Variants in BNC2 observed in about 807,000 individuals in gnomAD.
BNC2 encodes zinc finger protein basonuclin-2.
BNC2 carries 20 observed loss-of-function variants against 76.3 expected under a neutral mutation model. The ratio of observed to expected loss-of-function variants is 0.26; its 90% confidence interval spans 0.18 to 0.38. BNC2 has a LOEUF of 0.38. Among genes scored for constraint, BNC2 ranks in the 10% least tolerant of loss-of-function variants. The probability of loss-of-function intolerance (pLI) is 1.00; values close to 1 mark genes in which losing one functional copy is unlikely to be tolerated. For missense variants in BNC2, 1,382 were observed against 1,399.8 expected (o/e 0.99, Z 0.20); for synonymous variants, 582 against 514.8 (o/e 1.13, Z -1.77).
At chr9:16,439,527 C>T (rs557750089) in intron 5 of BNC2, among the ~76,000 whole-genome samples, 8 of 152,278 alleles carry the variant, frequency 5.3e-5, no homozygotes, top group Non-Finnish European at 1.2e-4. Context: ...TTTCCGGTTT[C>T]AGCCACTGTG....
At chr9:16,861,207 A>T (rs62541878) in intron 1 of BNC2, among the ~76,000 whole-genome samples, 16,131 of 129,516 alleles carry the variant, frequency 0.12, 1,319 homozygotes, top group Middle Eastern at 0.18. Context: ...TATATAAATT[A>T]ACCAGGCATC....
chr9:16,461,950 C>T (rs1460423963), intron 5 of BNC2, among the ~76,000 whole-genome samples: 2 of 152,224 alleles, frequency 1.3e-5, no homozygotes, highest in Non-Finnish European at 2.9e-5. Context: ...CTTGCTTCTG[C>T]TTCCTAACAA....
chr9:16,418,632 AT>A lies in BNC2; in HGVS notation c.*356del, dbSNP rs1820636403. ...ATTGTCTCTTTGGGGAAGACCAAGA[AT>A]TATTCTGTCAAAACTGGGGCTAGTT... On this transcript the variant is annotated 3_prime_UTR_variant, in exon 7 of 7. Transcript: ENST00000380672. 1 of 199,294 alleles carries A rather than the reference AT, an allele frequency of 5.0e-6. No homozygotes were observed. The highest frequency in any genetic ancestry group is 1.5e-4 in the South Asian group (1 of 6,892). 12.3% of individuals were successfully genotyped at this position (199,294 alleles called of 1,614,324 possible). A position where few individuals can be genotyped will look rare whatever the true frequency, so the allele number is the denominator to read the frequency against.
chr9:16,552,700 C>T lies in BNC2; in HGVS notation c.499G>A (p.Val167Ile), dbSNP rs1346486985. Residue 167 changes from valine (V) to isoleucine (I), a missense_variant, in exon 5 of 7, where the codon GTC (valine) becomes ATC (isoleucine). This residue lies in a region of BNC2 where 557 missense variants were observed against 540.9 expected (regional missense o/e 1.03). Coordinates refer to ENST00000380672, the MANE Select transcript of BNC2 (RefSeq NM_017637.6). Reference sequence around the variant, plus strand: ...ATCAGGCTGCTGATGTCAAACACGACGTTGGACTGCACAATCTCCACTTGG... The same window carrying T: ...ATCAGGCTGCTGATGTCAAACACGATGTTGGACTGCACAATCTCCACTTGG... The part of the protein sequence containing the change: ...PTQVEIVQSN[V>I]VFDISSLMLY... The T allele has an allele frequency of 7.4e-6, 12 of 1,614,068 alleles. No homozygotes were observed. Among genetic ancestry groups the T allele is most frequent in the African/African-American group, 5.3e-5 (4 of 74,926 alleles).
intron 5 of BNC2, among the ~76,000 whole-genome samples, chr9:16,480,550 C>T (rs569752400): frequency 6.6e-6 from 1 of 152,134 alleles, no homozygotes; most frequent in Non-Finnish European, 1.5e-5. Flanking sequence ...GCGGCGCTTG[C>T]GGGCCAGCTG....
chr9:16,494,132 C>T (rs760406632), intron 5 of BNC2, among the ~76,000 whole-genome samples: 6 of 152,192 alleles, frequency 3.9e-5, no homozygotes, highest in African/African-American at 9.6e-5. Context: ...AAATAAAATA[C>T]GAAATATATT....
At chr9:16,484,753 C>T (rs761626762) in intron 5 of BNC2, among the ~76,000 whole-genome samples, 5 of 152,120 alleles carry the variant, frequency 3.3e-5, no homozygotes, top group South Asian at 2.1e-4. Flanking sequence ...CACTGTGCCA[C>T]GACCTATATG....
intron 5 of BNC2, among the ~76,000 whole-genome samples, chr9:16,439,723 T>C (rs1280759596): frequency 2.0e-5 from 3 of 152,226 alleles, no homozygotes; most frequent in Non-Finnish European, 4.4e-5. Context: ...TGAATTACTT[T>C]TTTAAAAAAG....
At chr9:16,618,945 A>G (rs1390758052) in intron 3 of BNC2, among the ~76,000 whole-genome samples, 1 of 152,230 alleles carries the variant, frequency 6.6e-6, no homozygotes, top group Non-Finnish European at 1.5e-5. Flanking sequence ...TCATTTTCTG[A>G]CATGGGAACA....
chr9:16,808,268 A>G (rs55710449), intron 1 of BNC2, among the ~76,000 whole-genome samples: 1 of 152,130 alleles, frequency 6.6e-6, no homozygotes, highest in Non-Finnish European at 1.5e-5. Flanking sequence ...TAGGCTAATT[A>G]CCCACCATTT....
At chr9:16,424,926 A>C (rs1280470340) in intron 6 of BNC2, among the ~76,000 whole-genome samples, 1 of 152,162 alleles carries the variant, frequency 6.6e-6, no homozygotes, top group African/African-American at 2.4e-5. Flanking sequence ...ACAAAATGAT[A>C]CTTTTGACAC....
At chr9:16,546,523 A>T (rs753643356) in intron 5 of BNC2, among the ~76,000 whole-genome samples, 1 of 152,230 alleles carries the variant, frequency 6.6e-6, no homozygotes, top group Non-Finnish European at 1.5e-5. Context: ...TGGAAAGGCC[A>T]AGTCAAAGAC....
intron 3 of BNC2, among the ~76,000 whole-genome samples, chr9:16,595,540 T>C (rs1207084607): frequency 1.3e-5 from 2 of 152,128 alleles, no homozygotes; most frequent in African/African-American, 2.4e-5. Context: ...TCTCAGGTAA[T>C]ACATTTTTAA....
At chr9:16,774,142 C>G (rs1825901468) in intron 1 of BNC2, among the ~76,000 whole-genome samples, 1 of 152,066 alleles carries the variant, frequency 6.6e-6, no homozygotes, top group African/African-American at 2.4e-5. Flanking sequence ...CCACCACACC[C>G]AGCTAATTTT....
chr9:16,586,555 C>T (rs1322030425), intron 3 of BNC2, among the ~76,000 whole-genome samples: 1 of 152,214 alleles, frequency 6.6e-6, no homozygotes, highest in African/African-American at 2.4e-5. Flanking sequence ...CATTCCTGGG[C>T]TGTAGAGACT....
chr9:16,825,885 G>C (rs1004145242), intron 1 of BNC2, among the ~76,000 whole-genome samples: 24 of 151,108 alleles, frequency 1.6e-4, no homozygotes, highest in African/African-American at 4.9e-4. Context: ...TTTTGCATGT[G>C]TCATTTGAAA....
chr9:16,423,061 C>T (rs1820739126), intron 6 of BNC2, among the ~76,000 whole-genome samples: 1 of 152,202 alleles, frequency 6.6e-6, no homozygotes, highest in African/African-American at 2.4e-5. Context: ...CCAGAGAGTG[C>T]TGGAAACAGG....
At chr9:16,807,361 A>AT (rs1817939975) in intron 1 of BNC2, among the ~76,000 whole-genome samples, 1 of 152,238 alleles carries the variant, frequency 6.6e-6, no homozygotes, top group Admixed American at 6.5e-5. Flanking sequence ...CTATCATTTT[A>AT]TTAACCCAAA....
At chr9:16,779,114 TAA>T (rs143267899) in intron 1 of BNC2, among the ~76,000 whole-genome samples, 1 of 85,568 alleles carries the variant, frequency 1.2e-5, no homozygotes, top group East Asian at 3.2e-4. Flanking sequence ...ACAAAAATTG[TAA>T]AAAAAAAAAA....
Sources: allele counts gnomAD v4.1 joint callset (sites outside exome capture counted in the v4.1 genomes callset), GRCh38; gene constraint gnomAD v4.1.1; regional missense constraint gnomAD v4.1.1; transcripts MANE v1.5; gene names NCBI Gene and HGNC (gene_info 2026-07-23, HGNC 2026-07-21).